Variants in CDH19 observed in about 807,000 individuals in gnomAD.
The protein encoded by CDH19 is cadherin-19.
In CDH19, 67 loss-of-function variants were observed where a neutral mutation model predicts 64.2. That is an observed-to-expected ratio of 1.04 (90% CI 0.86 to 1.28). CDH19 has a LOEUF of 1.28. Among genes scored for constraint, CDH19 ranks in the 50% most tolerant of loss-of-function variants. CDH19 has a pLI of 0.00. For missense variants in CDH19, 1,030 were observed against 929.0 expected (o/e 1.11, Z -1.41); for synonymous variants, 346 against 319.3 (o/e 1.08, Z -0.89).
intron 2 of CDH19, among the ~76,000 whole-genome samples, chr18:66,569,364 A>C (rs542584375): frequency 2.5e-4 from 38 of 151,550 alleles, no homozygotes; most frequent in Non-Finnish European, 5.5e-4. Context: ...CTTTTTTCAG[A>C]GTCATATGGT....
intron 9 of CDH19, among the ~76,000 whole-genome samples, chr18:66,516,756 C>T (rs1183935900): frequency 6.6e-6 from 1 of 151,988 alleles, no homozygotes; most frequent in African/African-American, 2.4e-5. Flanking sequence ...TGCAGACCTG[C>T]TTAGGTCAGG....
intron 6 of CDH19, among the ~76,000 whole-genome samples, chr18:66,544,473 A>G (rs1987024182): frequency 6.6e-6 from 1 of 151,948 alleles, no homozygotes; most frequent in Admixed American, 6.5e-5. Flanking sequence ...GAAACTGAGA[A>G]TTAATTTCCT....
At chr18:66,542,403 G>A (rs150546898) in intron 7 of CDH19, among the ~76,000 whole-genome samples, 136 of 152,228 alleles carry the variant, frequency 8.9e-4, no homozygotes, top group African/African-American at 3.2e-3. Context: ...AAATAGGTGA[G>A]TAAGGAAAGG....
chr18:66,595,451 A>T (rs2144637337), intron 1 of CDH19, among the ~76,000 whole-genome samples: 1 of 151,544 alleles, frequency 6.6e-6, no homozygotes, highest in East Asian at 1.9e-4. Flanking sequence ...TAAAGAAAAA[A>T]AAAAGGATCC....
In CDH19 at chr18:66,504,863, G is replaced by C. The variant is rs758559435; in HGVS notation, c.2268C>G (p.Arg756=). 6.2e-7 allele frequency: 1 copy of C among 1,610,576 alleles called. No individual in the cohort carries two copies. The highest frequency in any genetic ancestry group is 1.3e-5 in the African/African-American group (1 of 74,898). ...SYDYLNELGP[R]FKRLACMFGS... is the part of the protein sequence containing the mutation. ...CAAACATGCATGCTAATCTTTTAAAGCGAGGTCCCAACTCATTAAGGTAAT... is the reference window on the plus strand; with the variant it reads ...CAAACATGCATGCTAATCTTTTAAACCGAGGTCCCAACTCATTAAGGTAAT... Residue 756 remains arginine (R), a synonymous_variant, in exon 12 of 12, where the codon CGC becomes CGG. Transcript: ENST00000262150.
intron 1 of CDH19, among the ~76,000 whole-genome samples, chr18:66,580,081 A>C (rs1988381713): frequency 6.6e-6 from 1 of 152,018 alleles, no homozygotes; most frequent in Non-Finnish European, 1.5e-5. Flanking sequence ...ATACGTATTA[A>C]ATCAACAACA....
chr18:66,577,622 A>G (rs1988304303), intron 1 of CDH19, among the ~76,000 whole-genome samples: 1 of 151,976 alleles, frequency 6.6e-6, no homozygotes, highest in Non-Finnish European at 1.5e-5. Context: ...ATTTCTTACA[A>G]CAATATCAAA....
Position 66,529,935 on chromosome 18 carries a change from C to A in CDH19, c.1368G>T (p.Leu456=). The change falls in exon 9 of 12, where the codon CTG becomes CTT. Residue 456 remains leucine (L), a synonymous_variant. Transcript: ENST00000262150. ...CATTGATGTTAAGAACTTGCACATACAGTGGGATCGAAGAGATCTGTTCTA... is the reference window on the plus strand; with the variant it reads ...CATTGATGTTAAGAACTTGCACATAAAGTGGGATCGAAGAGATCTGTTCTA... The part of the protein sequence containing the change: ...YNIEQISSIP[L]YVQVLNINDH... 1.3e-6 allele frequency: 2 copies of A among 1,562,588 alleles called. No individual in the cohort carries two copies. The highest frequency in any genetic ancestry group is 8.8e-7 in the Non-Finnish European group (1 of 1,141,334).
chr18:66,504,843 A>T lies in CDH19; in HGVS notation c.2288T>A (p.Met763Lys), dbSNP rs1985103168. ...LGPRFKRLAC[M>K]FGSAVQSNN ...ATTTGACTGCACTGCAGAACCAAACATGCATGCTAATCTTTTAAAGCGAGG... is the reference window on the plus strand; with the variant it reads ...ATTTGACTGCACTGCAGAACCAAACTTGCATGCTAATCTTTTAAAGCGAGG... The change falls in exon 12 of 12, where the codon ATG becomes AAG. Residue 763 changes from methionine to lysine, a missense_variant. By Grantham distance (95) the Met-to-Lys change is moderately conservative (BLOSUM62 -1). Transcript: ENST00000262150. 6.2e-7 allele frequency: 1 copy of T among 1,606,706 alleles called. No homozygotes were observed. Among genetic ancestry groups the T allele is most frequent in the East Asian group, 2.2e-5 (1 of 44,620 alleles).
chr18:66,510,950 T>C (rs1277909956), intron 10 of CDH19, among the ~76,000 whole-genome samples: 1 of 151,656 alleles, frequency 6.6e-6, no homozygotes, highest in Admixed American at 6.6e-5. Flanking sequence ...GTTCTTATTA[T>C]GACAAAAAGT....
intron 9 of CDH19, among the ~76,000 whole-genome samples, chr18:66,519,626 A>G (rs975311547): frequency 3.9e-5 from 6 of 152,180 alleles, no homozygotes; most frequent in Non-Finnish European, 8.8e-5. Flanking sequence ...CAAGAATACC[A>G]ATCAGAAATT....
chr18:66,548,101 T>C (rs1987200111), intron 5 of CDH19, among the ~76,000 whole-genome samples: 1 of 146,942 alleles, frequency 6.8e-6, no homozygotes, highest in Non-Finnish European at 1.5e-5. Flanking sequence ...TATATATTTG[T>C]TATATATTAT....
intron 1 of CDH19, among the ~76,000 whole-genome samples, chr18:66,592,014 T>A (rs1340990960): frequency 6.6e-6 from 1 of 151,920 alleles, no homozygotes; most frequent in African/African-American, 2.4e-5. Flanking sequence ...TTATGTTCCT[T>A]CTTTCCCTTA....
intron 3 of CDH19, among the ~76,000 whole-genome samples, chr18:66,564,099 TA>T (rs2144555945): frequency 6.6e-6 from 1 of 151,970 alleles, no homozygotes; most frequent in East Asian, 1.9e-4. Flanking sequence ...TCCTGAGTAT[TA>T]ACTGAAATTA....
intron 9 of CDH19, among the ~76,000 whole-genome samples, chr18:66,512,759 C>T (rs1297626412): frequency 6.6e-6 from 1 of 151,278 alleles, no homozygotes. Flanking sequence ...TAAGGTAAAG[C>T]CTTCATTTTA....
chr18:66,573,518 T>C (rs1988170983), intron 1 of CDH19, among the ~76,000 whole-genome samples: 2 of 151,692 alleles, frequency 1.3e-5, no homozygotes, highest in Non-Finnish European at 3.0e-5. Context: ...ATCTTTATGT[T>C]ACGTATTTGA....
At position 66,529,926 on chromosome 18, in the gene CDH19, T is replaced by C; in HGVS notation, c.1377A>G (p.Gln459=). The C allele has an allele frequency of 6.3e-7, 1 of 1,574,844 alleles. No homozygotes were observed. The highest frequency in any genetic ancestry group is 8.7e-7 in the Non-Finnish European group (1 of 1,150,876). The stretch of plus-strand genomic sequence containing the variant: ...GAGCATGATCATTGATGTTAAGAAC[T>C]TGCACATACAGTGGGATCGAAGAGA... The part of the protein sequence containing the change: ...EQISSIPLYV[Q]VLNINDHAPE... Residue 459 remains glutamine (Q), a synonymous_variant, in exon 9 of 12, where the codon CAA becomes CAG. Transcript: ENST00000262150.
intron 11 of CDH19, 39 bp downstream of exon 11, chr18:66,508,956 A>G (rs1445520703): frequency 1.3e-6 from 2 of 1,588,474 alleles, no homozygotes; most frequent in African/African-American, 1.3e-5. Context: ...AAATATGATC[A>G]TAATGCAAAT....
intron 7 of CDH19, among the ~76,000 whole-genome samples, chr18:66,540,199 C>A (rs1230985701): frequency 6.6e-6 from 1 of 152,220 alleles, no homozygotes; most frequent in East Asian, 1.9e-4. Flanking sequence ...AGTTTCACTG[C>A]TTGTGATCTA....
Sources: gnomAD v4.1 joint callset for allele counts (sites outside exome capture counted in the v4.1 genomes callset) on GRCh38, gnomAD v4.1.1 for gene constraint, MANE v1.5 for transcripts, NCBI Gene and HGNC (gene_info 2026-07-23, HGNC 2026-07-21) for gene names.